The following RFX4 variants were observed in gnomAD, a reference collection of about 807,000 sequenced individuals.
RFX4 encodes transcription factor RFX4.
A neutral mutation model predicts 95.0 loss-of-function variants in RFX4; 10 were observed. The ratio of observed to expected loss-of-function variants is 0.11; its 90% CI spans 0.06 to 0.18. The LOEUF (loss-of-function observed/expected upper bound fraction) is 0.18, where lower values mean the gene tolerates loss of function less well. Ranked by LOEUF, RFX4 falls within the 10% of genes least tolerant of loss-of-function variation. The pLI, the probability that RFX4 is intolerant of heterozygous loss-of-function variation, is 1.00. For missense variants in RFX4, 640 were observed against 922.0 expected, an observed-to-expected ratio of 0.69 and a Z score of 3.96; for synonymous variants, 321 against 340.7, an observed-to-expected ratio of 0.94 and a Z score of 0.64.
At chr12:106,648,257 C>T (rs941644778) in intron 3 of RFX4, among the ~76,000 whole-genome samples, 6 of 152,098 alleles carry the variant, frequency 3.9e-5, no homozygotes, top group Non-Finnish European at 8.8e-5. Flanking sequence ...GAGGTCATCC[C>T]CTGCGGTAGG....
intron 4 of RFX4, among the ~76,000 whole-genome samples, chr12:106,658,252 T>C (rs1035206708): frequency 6.6e-6 from 1 of 152,194 alleles, no homozygotes; most frequent in Non-Finnish European, 1.5e-5. Flanking sequence ...CCATTTTCCA[T>C]TAGCCCATTT....
chr12:106,686,213 C>A (rs1284314520), intron 5 of RFX4, among the ~76,000 whole-genome samples: 1 of 151,982 alleles, frequency 6.6e-6, no homozygotes, highest in Admixed American at 6.6e-5. Context: ...GAGTTTGAGA[C>A]CAACCTGACC....
intron 4 of RFX4, among the ~76,000 whole-genome samples, chr12:106,659,410 G>A (rs2041026466): frequency 6.6e-6 from 1 of 152,050 alleles, no homozygotes; most frequent in Non-Finnish European, 1.5e-5. Flanking sequence ...AATTTTTAGA[G>A]AACAACAGAA....
At chr12:106,673,918 G>A (rs918653367) in intron 4 of RFX4, among the ~76,000 whole-genome samples, 1 of 152,144 alleles carries the variant, frequency 6.6e-6, no homozygotes, top group African/African-American at 2.4e-5. Flanking sequence ...TTGCCCCTAA[G>A]TCAGTTCTCC....
intron 11 of RFX4, among the ~76,000 whole-genome samples, chr12:106,716,014 G>A (rs572928111): frequency 2.0e-5 from 3 of 152,120 alleles, no homozygotes; most frequent in Non-Finnish European, 4.4e-5. Context: ...TTTTACTTCT[G>A]TGAATATATG....
intron 17 of RFX4, among the ~76,000 whole-genome samples, chr12:106,751,700 T>C (rs2043009293): frequency 6.6e-6 from 1 of 151,858 alleles, no homozygotes; most frequent in African/African-American, 2.4e-5. Context: ...ATGGTGAGCA[T>C]TTTTTCATGT....
chr12:106,761,538 A>T lies in RFX4; in HGVS notation c.*69A>T. The T allele has an allele frequency of 1.7e-6, 2 of 1,146,920 alleles. No individual in the cohort carries two copies. Among genetic ancestry groups the T allele is most frequent in the Non-Finnish European group, 2.2e-6 (2 of 901,942 alleles). The allele number at this position is 1,146,920 out of a possible 1,614,324, so 71.0% of individuals were successfully genotyped here. The stretch of plus-strand genomic sequence containing the variant: ...AATAATAATAATAAACCCAACACCC[A>T]TCCCCCAGAAGACTTTATCTCTATA... On this transcript the variant is annotated 3_prime_UTR_variant, in exon 18 of 18. Transcript: ENST00000392842.
At chr12:106,634,300 G>A (rs945460548) in intron 2 of RFX4, among the ~76,000 whole-genome samples, 3 of 152,120 alleles carry the variant, frequency 2.0e-5, no homozygotes, top group Non-Finnish European at 4.4e-5. Context: ...TGCCTTGTGA[G>A]GTCCTTGGTG....
At chr12:106,700,915 GAT>G (rs1160780356) in intron 8 of RFX4, among the ~76,000 whole-genome samples, 2 of 152,016 alleles carry the variant, frequency 1.3e-5, no homozygotes, top group African/African-American at 4.8e-5. Context: ...AATGATTAAA[GAT>G]ATGAAAAAAT....
intron 8 of RFX4, among the ~76,000 whole-genome samples, chr12:106,701,953 T>A (rs753481028): frequency 2.2e-4 from 34 of 152,120 alleles, no homozygotes; most frequent in Non-Finnish European, 4.7e-4. Flanking sequence ...AAATTTGAGG[T>A]TACAATGAAT....
chr12:106,760,425 TC>T (rs907195919), intron 17 of RFX4, among the ~76,000 whole-genome samples: 1 of 151,984 alleles, frequency 6.6e-6, no homozygotes, highest in Non-Finnish European at 1.5e-5. Flanking sequence ...TAGAACTACT[TC>T]CCCTCTTCTT....
chr12:106,620,991 G>C (rs2040174133), intron 2 of RFX4, among the ~76,000 whole-genome samples: 1 of 152,094 alleles, frequency 6.6e-6, no homozygotes, highest in Admixed American at 6.6e-5. Context: ...CAGGCAGTCA[G>C]ACCTTATGGT....
intron 4 of RFX4, among the ~76,000 whole-genome samples, chr12:106,679,619 C>T (rs1046545441): frequency 6.6e-6 from 1 of 152,140 alleles, no homozygotes; most frequent in Non-Finnish European, 1.5e-5. Flanking sequence ...ATTGTATTAT[C>T]TTCTTTGCTT....
Position 106,734,656 on chromosome 12 carries a change from G to A in RFX4, c.1633+1571G>A, listed in dbSNP as rs746768298. 9.0e-4 allele frequency among the ~76,000 whole-genome samples: 136 copies of A among 151,946 alleles called. 4 individuals carry two copies. The Middle Eastern group carries it at 0.01, about 11-fold the overall frequency. On this transcript the variant is annotated intron_variant, in intron 15 of 17. Transcript: ENST00000392842. ...ACAATTAAAAGTCACCCAAGCATCC[G>A]TGGAAGCCCAATTCCATGAAGGAGG...
rs766383679 is a variant in RFX4, at chr12:106,715,462, C to T, written c.1056C>T (p.Asn352=). Residue 352 remains asparagine (N), a synonymous_variant, in exon 11 of 18, where the codon AAC becomes AAT. Coordinates refer to ENST00000392842, the MANE Select transcript of RFX4 (RefSeq NM_213594.3). ...TCCAAATGCTGGAAGACTGGAGGAACGTGGACCTGAACAGCATCACCAAGC... is the reference window on the plus strand; with the variant it reads ...TCCAAATGCTGGAAGACTGGAGGAATGTGGACCTGAACAGCATCACCAAGC... ...ITFQMLEDWR[N]VDLNSITKQT... is the part of the protein sequence containing the mutation. The T allele has an allele frequency of 1.3e-5, 21 of 1,614,014 alleles. No homozygotes were observed. Among genetic ancestry groups the T allele is most frequent in the South Asian group, 7.7e-5 (7 of 91,078 alleles).
rs2041525716 is a variant in RFX4, at chr12:106,682,071, C to T, written c.377+17C>T. The T allele has an allele frequency of 2.5e-6, 4 of 1,613,926 alleles. No homozygotes were observed. In the East Asian group the frequency reaches 8.9e-5, roughly 36 times the overall value. On this transcript the variant is annotated intron_variant, in intron 5 of 17. Transcript: ENST00000392842. ...ACAGTCAAAGTAAGCACCGGACGGC[C>T]ATTCCACCTGCAGAGCGCACATCTA...
chr12:106,686,774 T>G (rs1334257293), intron 5 of RFX4, 110 bp from the exon 6 acceptor site: 2 of 991,264 alleles, frequency 2.0e-6, no homozygotes, highest in East Asian at 4.8e-5. Context: ...CCAGCTTTCC[T>G]TGGCCTTGGG....
intron 4 of RFX4, among the ~76,000 whole-genome samples, chr12:106,674,033 A>AGACAG (rs2041342714): frequency 6.6e-6 from 1 of 152,208 alleles, no homozygotes; most frequent in South Asian, 2.1e-4. Flanking sequence ...GAGTAAAAGC[A>AGACAG]GACAGCTTAC....
At chr12:106,756,863 T>C (rs969553324) in intron 17 of RFX4, among the ~76,000 whole-genome samples, 14 of 152,210 alleles carry the variant, frequency 9.2e-5, no homozygotes, top group African/African-American at 3.1e-4. Context: ...TCCCTCACTG[T>C]ACTAGCTCTG....
Sources: gnomAD v4.1 joint callset for allele counts (sites outside exome capture counted in the v4.1 genomes callset) on GRCh38, gnomAD v4.1.1 for gene constraint, MANE v1.5 for transcripts, NCBI Gene and HGNC (gene_info 2026-07-23, HGNC 2026-07-21) for gene names.